Variants in GREB1 observed in about 807,000 individuals in gnomAD.
The protein encoded by GREB1 is protein GREB1.
In GREB1, 106 loss-of-function variants were observed where a neutral mutation model predicts 200.7. That is an observed-to-expected ratio of 0.53 (90% CI 0.45 to 0.62). GREB1 has a LOEUF of 0.62. Ranked by LOEUF, GREB1 falls within the 20% of genes least tolerant of loss-of-function variation. GREB1 has a pLI of 0.00. For missense variants in GREB1, 2,243 were observed against 2,556.8 expected (o/e 0.88, Z 2.65); for synonymous variants, 1,132 against 1,092.4 (o/e 1.04, Z -0.72).
At chr2:11,588,703 T>G (rs1680425110) in intron 9 of GREB1, 43 bp from the exon 10 acceptor site, 2 of 1,569,298 alleles carry the variant, frequency 1.3e-6, no homozygotes, top group African/African-American at 2.7e-5. Context: ...GACCGTAAGC[T>G]GTGCACAAGA....
At chr2:11,557,170 T>C (rs58188623) in intron 2 of GREB1, among the ~76,000 whole-genome samples, 5,800 of 152,112 alleles carry the variant, frequency 0.038, 233 homozygotes, top group African/African-American at 0.093. Flanking sequence ...ATAGTAGGTA[T>C]GAGAACTCTC....
At chr2:11,483,114 G>A (rs1398379207) in intron 1 of GREB1, among the ~76,000 whole-genome samples, 2 of 152,062 alleles carry the variant, frequency 1.3e-5, no homozygotes, top group Non-Finnish European at 2.9e-5. Flanking sequence ...GGAGGTGGAA[G>A]GTGTCCGGGA....
In GREB1 at chr2:11,593,122, C is replaced by T; in HGVS notation, c.1692C>T (p.Val564=). Residue 564 remains valine (V), a synonymous_variant, in exon 11 of 33, where the codon GTC becomes GTT. Transcript: ENST00000381486. The stretch of plus-strand genomic sequence containing the variant: ...CGGCCATCGACTCCTGCATCGCCGT[C>T]ACCGGTGAGCTCTGGGCCGCGCGGC... ...RSAAIDSCIA[V]TGKYQARILS... The T allele has an allele frequency of 1.3e-6, 2 of 1,596,426 alleles. No homozygotes were observed. The highest frequency in any genetic ancestry group is 1.7e-6 in the Non-Finnish European group (2 of 1,169,134).
chr2:11,620,097 C>G (rs567817419), intron 22 of GREB1, among the ~76,000 whole-genome samples: 1 of 152,204 alleles, frequency 6.6e-6, no homozygotes, highest in African/African-American at 2.4e-5. Context: ...TTGCCTCAGC[C>G]TCCCGAGTAG....
intron 1 of GREB1, among the ~76,000 whole-genome samples, chr2:11,495,790 C>A (rs1186766107): frequency 2.1e-5 from 3 of 141,020 alleles, no homozygotes; most frequent in Admixed American, 7.2e-5. Flanking sequence ...TAGGATAAGT[C>A]CCCCCGTTTT....
At chr2:11,595,486 C>A in intron 12 of GREB1, 107 bp downstream of exon 12, 1 of 1,149,732 alleles carries the variant, frequency 8.7e-7, no homozygotes, top group African/African-American at 1.5e-5. Context: ...CTAAGGCTGG[C>A]CTCCACTGCA....
chr2:11,594,993 C>CTTTTTTTTTTTTTT (rs371356681), intron 11 of GREB1, among the ~76,000 whole-genome samples: 2 of 143,270 alleles, frequency 1.4e-5, no homozygotes, highest in Non-Finnish European at 1.5e-5. Context: ...TGTGCCTGGC[C>CTTTTTTTTTTTTTT]TTTTTTTTTT....
rs375392901 is a variant in GREB1, at chr2:11,618,674, G to A, written c.3799G>A (p.Asp1267Asn). 63 of 1,613,650 alleles carry A rather than the reference G, an allele frequency of 3.9e-5. No homozygotes were observed. Among genetic ancestry groups the A allele is most frequent in the Admixed American group, 1.0e-4 (6 of 60,000 alleles). Residue 1267 changes from aspartate to asparagine, a missense_variant, in exon 22 of 33, where the codon GAC becomes AAC. Physicochemically the swap from Asp to Asn is conservative, Grantham distance 23 (BLOSUM62 1). Coordinates refer to ENST00000381486, the MANE Select transcript of GREB1 (RefSeq NM_014668.4). ...PIVFLPKLVY[D>N]MVVSTDSSGL... ...TGTCTTCTTGCCCAAGCTCGTGTAC[G>A]ACATGGTTGTGTCCACTGACAGCAG...
At chr2:11,617,700 T>C (rs1364185964) in intron 21 of GREB1, among the ~76,000 whole-genome samples, 1 of 152,090 alleles carries the variant, frequency 6.6e-6, no homozygotes, top group African/African-American at 2.4e-5. Flanking sequence ...GACGGGTGTG[T>C]GCGGTGGCCG....
intron 4 of GREB1, among the ~76,000 whole-genome samples, chr2:11,571,874 C>A (rs948218068): frequency 2.0e-5 from 3 of 152,124 alleles, no homozygotes; most frequent in African/African-American, 4.8e-5. Context: ...CCACACCCAG[C>A]TAATTTTTTT....
Position 11,580,703 on chromosome 2 carries a change from G to A in GREB1, c.773-1G>A, listed in dbSNP as rs1164013877. ...CCTCTTTGCCTTCTATCTGTTTTCA[G>A]GACCAGCTTCTGATCACCCCTCACT... On this transcript the variant is annotated splice_acceptor_variant, in intron 6 of 32. Transcript: ENST00000381486. LOFTEE classifies it high-confidence loss of function. The surrounding 1 kb of genome is among the most constrained non-coding windows in gnomAD (Gnocchi z 4.5). The A allele has an allele frequency of 6.2e-7, 1 of 1,608,260 alleles. No homozygotes were observed. The highest frequency in any genetic ancestry group is 1.7e-5 in the Admixed American group (1 of 59,838).
chr2:11,493,955 G>A lies in GREB1; in HGVS notation c.-159+11574G>A, dbSNP rs887880497. On this transcript the variant is annotated intron_variant, in intron 1 of 2. Coordinates refer to the GREB1 transcript ENST00000628795. The surrounding 1 kb of genome is among the most constrained non-coding windows in gnomAD (Gnocchi z 4.6). ...GGGGCTTAGGAGAAATGAATCTGAT[G>A]GAGAAAAGATGAAAGAAGAAATGAA... 6.6e-6 allele frequency among the ~76,000 whole-genome samples: 1 copy of A among 152,158 alleles called. No homozygotes were observed. Among genetic ancestry groups the A allele is most frequent in the African/African-American group, 2.4e-5 (1 of 41,428 alleles).
chr2:11,616,751 C>T (rs762246097), intron 21 of GREB1, 31 bp downstream of exon 21: 2 of 1,325,800 alleles, frequency 1.5e-6, no homozygotes, highest in Non-Finnish European at 2.2e-6. Context: ...AGGACCAGAC[C>T]AGCAGACTGA....
At chr2:11,638,879 G>GAA in intron 32 of GREB1, 70 bp downstream of exon 32, 1 of 1,510,114 alleles carries the variant, frequency 6.6e-7, no homozygotes, top group Non-Finnish European at 9.1e-7. Flanking sequence ...CTGAGGAGGG[G>GAA]ACCTTTGGTC....
At chr2:11,625,360 G>A (rs774153065) in intron 24 of GREB1, 48 bp downstream of exon 24, 3 of 1,561,490 alleles carry the variant, frequency 1.9e-6, no homozygotes, top group Non-Finnish European at 2.6e-6. Context: ...CATGGGCACA[G>A]CCTCTTAAAG....
In GREB1 at chr2:11,593,074, C is replaced by T; in HGVS notation, c.1644C>T (p.Val548=). The T allele has an allele frequency of 6.2e-7, 1 of 1,611,922 alleles. No individual in the cohort carries two copies. Among genetic ancestry groups the T allele is most frequent in the Non-Finnish European group, 8.5e-7 (1 of 1,179,512 alleles). Reference sequence around the variant, plus strand: ...AGCTTGCCAAGACCAACTACGTGGTCATCATCTGCGCCTGCCGCAGCGCGG... The same window carrying T: ...AGCTTGCCAAGACCAACTACGTGGTTATCATCTGCGCCTGCCGCAGCGCGG... ...EGKLAKTNYV[V]IICACRSAAI... Residue 548 remains valine, a synonymous_variant, in exon 11 of 33, where the codon GTC becomes GTT. Coordinates refer to ENST00000381486, the MANE Select transcript of GREB1 (RefSeq NM_014668.4).
intron 23 of GREB1, among the ~76,000 whole-genome samples, chr2:11,622,143 C>T (rs1300060181): frequency 1.3e-5 from 2 of 152,142 alleles, no homozygotes; most frequent in Non-Finnish European, 2.9e-5. Context: ...TGCAGTGGCA[C>T]CATCTCGGCT....
rs377730560 is a variant in GREB1 at position 11,626,519 on chromosome 2, C to T, written c.4307-443C>T. On this transcript the variant is annotated intron_variant, in intron 24 of 32. Transcript: ENST00000381486. Reference sequence around the variant, plus strand: ...AGGAGAATCACTTGAACCTGCGAGGCGGAGGTTGCAGTGAGCTGAGATTGT... The same window carrying T: ...AGGAGAATCACTTGAACCTGCGAGGTGGAGGTTGCAGTGAGCTGAGATTGT... 2.6e-5 allele frequency among the ~76,000 whole-genome samples: 4 copies of T among 152,238 alleles called. No individual in the cohort carries two copies. In the East Asian group the frequency reaches 5.8e-4, roughly 22 times the overall value.
intron 1 of GREB1, among the ~76,000 whole-genome samples, chr2:11,483,220 T>C (rs562720260): frequency 2.0e-5 from 3 of 149,844 alleles, no homozygotes; most frequent in African/African-American, 7.4e-5. Flanking sequence ...CGCGTGTGTG[T>C]GGGGTGTGCG....
Sources: gnomAD v4.1 joint callset for allele counts (sites outside exome capture counted in the v4.1 genomes callset) on GRCh38, gnomAD v4.1.1 for gene constraint, Gnocchi (gnomAD v3.1) non-coding constraint, MANE v1.5 for transcripts, NCBI Gene and HGNC (gene_info 2026-07-23, HGNC 2026-07-21) for gene names.